The following RTN3 variants were observed in gnomAD, a reference collection of about 807,000 sequenced individuals.
The protein encoded by RTN3 is reticulon 3.
In RTN3, 49 loss-of-function variants were observed where a neutral mutation model predicts 77.8. The ratio of observed to expected loss-of-function variants is 0.63; its 90% CI spans 0.50 to 0.80. RTN3 has a LOEUF of 0.80. RTN3 is among the 30% of genes least tolerant of loss of function. The pLI is 0.00. For missense variants in RTN3, 1,236 were observed against 1,211.9 expected, an observed-to-expected ratio of 1.02 and a Z score of -0.29; for synonymous variants, 464 against 446.9, an observed-to-expected ratio of 1.04 and a Z score of -0.48.
Position 63,753,147 on chromosome 11 carries a change from G to T in RTN3, c.2947+9G>T, listed in dbSNP as rs370855747. The T allele has an allele frequency of 1.6e-5, 26 of 1,612,556 alleles. No homozygotes were observed. The African/African-American group carries it at 3.2e-4, about 20-fold the overall frequency. On this transcript the variant is annotated intron_variant, in intron 6 of 8. Transcript: ENST00000377819. The stretch of plus-strand genomic sequence containing the variant: ...CACCCTTCTAATTCTTGGTAAGGTG[G>T]CAAGGAGAATGTGCCCATGCTCTTT...
intron 3 of RTN3, among the ~76,000 whole-genome samples, chr11:63,746,195 C>G (rs1030911638): frequency 2.0e-5 from 3 of 152,184 alleles, no homozygotes; most frequent in Admixed American, 6.6e-5. Context: ...GTCCTTTTCT[C>G]TCTGGGTCCT....
Position 63,739,039 on chromosome 11 carries a change from CT to C in RTN3, c.2531-10950del, listed in dbSNP as rs1170715363. Among the ~76,000 whole-genome samples, 3 of 151,974 alleles carry C rather than the reference CT, an allele frequency of 2.0e-5. No homozygotes were observed. The East Asian group carries it at 5.8e-4, about 29-fold the overall frequency. On this transcript the variant is annotated intron_variant, in intron 3 of 8. Coordinates refer to ENST00000377819, the MANE Select transcript of RTN3 (RefSeq NM_001265589.2). ...TAAAATAAAACTTTAAAATAAATAC[CT>C]TAAAGTTTTTAAAATAAAAGTAATA... is the stretch of plus-strand genomic sequence containing the variant.
chr11:63,749,802 C>G (rs2014002634), intron 3 of RTN3, among the ~76,000 whole-genome samples, 189 bp from the exon 4 acceptor site: 1 of 152,168 alleles, frequency 6.6e-6, no homozygotes, highest in Non-Finnish European at 1.5e-5. Flanking sequence ...GCAGGAGGAT[C>G]ACTTGAGCCA....
intron 1 of RTN3, among the ~76,000 whole-genome samples, chr11:63,693,631 T>C (rs1941782250): frequency 6.6e-6 from 1 of 152,222 alleles, no homozygotes; most frequent in Non-Finnish European, 1.5e-5. Context: ...CTATAAGACC[T>C]CTATGGAAAT....
chr11:63,719,783 C>T lies in RTN3; in HGVS notation c.1281C>T (p.Ser427=). The T allele has an allele frequency of 6.2e-7, 1 of 1,614,082 alleles. No homozygotes were observed. The highest frequency in any genetic ancestry group is 8.5e-7 in the Non-Finnish European group (1 of 1,180,020). The part of the protein sequence containing the change: ...TGKPVPDSLN[S]TKEFSIKGVQ... ...AACCTGTACCTGACTCTTTGAATTCCACAAAAGAATTCAGTATCAAAGGTG... is the reference window on the plus strand; with the variant it reads ...AACCTGTACCTGACTCTTTGAATTCTACAAAAGAATTCAGTATCAAAGGTG... The change falls in exon 3 of 9, where the codon TCC becomes TCT. Residue 427 remains serine, a synonymous_variant. Coordinates refer to ENST00000377819, the MANE Select transcript of RTN3 (RefSeq NM_001265589.2).
In RTN3 at chr11:63,755,268, C is replaced by T. The variant is rs2014315095; in HGVS notation, c.2995-844C>T. ...ATACTTACCAAGTAAGACTTAACCT[C>T]TGCAAAAGATGAGTGATTTTTTCAC... On this transcript the variant is annotated intron_variant, in intron 7 of 8. Coordinates refer to ENST00000377819, the MANE Select transcript of RTN3 (RefSeq NM_001265589.2). Among the ~76,000 whole-genome samples the T allele has an allele frequency of 7.2e-5, 11 of 152,152 alleles. 1 individual carries two copies. The South Asian group carries it at 2.3e-3, about 32-fold the overall frequency.
intron 2 of RTN3, among the ~76,000 whole-genome samples, chr11:63,716,748 G>A (rs1264560338): frequency 6.6e-6 from 1 of 152,062 alleles, no homozygotes; most frequent in East Asian, 1.9e-4. Context: ...GGCGGATCAC[G>A]GGGTCAGGAG....
At chr11:63,744,017 G>C (rs993264117) in intron 3 of RTN3, among the ~76,000 whole-genome samples, 1 of 151,856 alleles carries the variant, frequency 6.6e-6, no homozygotes, top group Non-Finnish European at 1.5e-5. Context: ...GCCGAGGCAG[G>C]CAGATCACGA....
At chr11:63,714,675 G>C (rs1445853918) in intron 2 of RTN3, among the ~76,000 whole-genome samples, 1 of 151,254 alleles carries the variant, frequency 6.6e-6, no homozygotes, top group Non-Finnish European at 1.5e-5. Flanking sequence ...ACCATGCACG[G>C]CTAATTTTTC....
In RTN3 at chr11:63,720,129, C is replaced by G; in HGVS notation, c.1627C>G (p.Pro543Ala). The G allele has an allele frequency of 6.2e-7, 1 of 1,613,504 alleles. No homozygotes were observed. The highest frequency in any genetic ancestry group is 8.5e-7 in the Non-Finnish European group (1 of 1,179,850). Residue 543 changes from proline to alanine, a missense_variant, in exon 3 of 9, where the codon CCC (proline) becomes GCC (alanine). Pro to Ala is a conservative substitution (Grantham distance 27). Coordinates refer to ENST00000377819, the MANE Select transcript of RTN3 (RefSeq NM_001265589.2). ...AGGTGAAAGAGAAATCAAAGAGATT[C>G]CCAGTTGTGAGAGAGAAGAAAAAAC... ...KTGEREIKEI[P>A]SCEREEKTSK... is the part of the protein sequence containing the mutation.
intron 3 of RTN3, among the ~76,000 whole-genome samples, chr11:63,727,639 C>T (rs968644346): frequency 1.3e-5 from 2 of 152,084 alleles, no homozygotes; most frequent in African/African-American, 4.8e-5. Flanking sequence ...AAAAGTGTCA[C>T]CAGAGCTTCA....
Position 63,758,498 on chromosome 11 carries a change from T to C in RTN3, c.*297T>C. The stretch of plus-strand genomic sequence containing the variant: ...TACCTGTAGCTTGAAAGGGGAAAGA[T>C]TGGAGGTAAGAGAGAAAATGAAAGA... On this transcript the variant is annotated 3_prime_UTR_variant, in exon 9 of 9. Transcript: ENST00000377819. The C allele has an allele frequency of 2.9e-6, 2 of 694,950 alleles. No individual in the cohort carries two copies. The highest frequency in any genetic ancestry group is 4.6e-6 in the Non-Finnish European group (2 of 435,816). 43.0% of individuals were successfully genotyped at this position (694,950 alleles called of 1,614,324 possible).
At chr11:63,744,487 C>T (rs2013681175) in intron 3 of RTN3, among the ~76,000 whole-genome samples, 2 of 152,012 alleles carry the variant, frequency 1.3e-5, no homozygotes, top group Non-Finnish European at 2.9e-5. Context: ...CAAATCCATA[C>T]AGCATGTTAC....
At chr11:63,741,983 G>GTT (rs752536035) in intron 3 of RTN3, among the ~76,000 whole-genome samples, 8 of 140,020 alleles carry the variant, frequency 5.7e-5, no homozygotes, top group Admixed American at 7.2e-5. Flanking sequence ...GCTCTTCTAG[G>GTT]TTTTTTTTTT....
In RTN3 at chr11:63,701,088, CA is replaced by C. The variant is rs35169888; in HGVS notation, c.143-3748del. The stretch of plus-strand genomic sequence containing the variant: ...CTGGTGACAGAGCGAGACTCCTTCT[CA>C]AAAAAAAAAAAAAAGAATTTTCAGC... On this transcript the variant is annotated intron_variant, in intron 1 of 8. Transcript: ENST00000377819. Among the ~76,000 whole-genome samples, 1,074 of 135,478 alleles carry C rather than the reference CA, an allele frequency of 7.9e-3. 12 individuals are homozygous for C. The highest frequency in any genetic ancestry group is 0.028 in the African/African-American group (984 of 35,406). The allele number at this position is 135,478 out of a possible 152,430, so 88.9% of individuals were successfully genotyped here.
rs780710253 is a variant in RTN3, at chr11:63,720,387, G to A, written c.1885G>A (p.Val629Met). The change falls in exon 3 of 9, where the codon GTG (valine) becomes ATG (methionine). Residue 629 changes from valine to methionine, a missense_variant. This residue lies in a region of RTN3 where 1,056 missense variants were observed against 990.4 expected (regional missense o/e 1.07). Transcript: ENST00000377819. ...VFNETEFSLN[V>M]TTSAYLESLH... Reference sequence around the variant, plus strand: ...TAATGAGACAGAATTCTCATTAAATGTGACAACATCTGCCTATTTGGAGTC... The same window carrying A: ...TAATGAGACAGAATTCTCATTAAATATGACAACATCTGCCTATTTGGAGTC... The A allele has an allele frequency of 3.8e-5, 62 of 1,613,964 alleles. No homozygotes were observed. In the Middle Eastern group the frequency reaches 4.9e-4, roughly 13 times the overall value.
intron 4 of RTN3, among the ~76,000 whole-genome samples, chr11:63,751,074 G>A (rs1478365902): frequency 3.3e-5 from 5 of 151,510 alleles, no homozygotes; most frequent in Non-Finnish European, 7.4e-5. Context: ...TTACCATATT[G>A]GTCAGGCTGG....
chr11:63,718,980 G>T lies in RTN3; in HGVS notation c.478G>T (p.Ala160Ser). 6.2e-7 allele frequency: 1 copy of T among 1,614,162 alleles called. No individual in the cohort carries two copies. The highest frequency in any genetic ancestry group is 1.1e-5 in the South Asian group (1 of 91,086). Residue 160 changes from alanine (A) to serine (S), a missense_variant, in exon 3 of 9, where the codon GCC becomes TCC. Around this residue, in one of 3 missense-constraint regions of RTN3, gnomAD observed 1,056 missense variants for 990.4 expected, o/e 1.07. Coordinates refer to ENST00000377819, the MANE Select transcript of RTN3 (RefSeq NM_001265589.2). ...TCATTGTGACCGTCCTTCTATTCCAGCCAGTTTCCCAGAGCATCCTGCTTT... is the reference window on the plus strand; with the variant it reads ...TCATTGTGACCGTCCTTCTATTCCATCCAGTTTCCCAGAGCATCCTGCTTT... ...GVHCDRPSIP[A>S]SFPEHPAFLS...
intron 1 of RTN3, among the ~76,000 whole-genome samples, chr11:63,685,003 G>A (rs1191255488): frequency 6.6e-6 from 1 of 151,874 alleles, no homozygotes; most frequent in Non-Finnish European, 1.5e-5. Context: ...CAAGTGATCC[G>A]CCCACCTCGG....
Sources: allele counts gnomAD v4.1 joint callset (sites outside exome capture counted in the v4.1 genomes callset), GRCh38; gene constraint gnomAD v4.1.1; regional missense constraint gnomAD v4.1.1; transcripts MANE v1.5; gene names NCBI Gene and HGNC (gene_info 2026-07-23, HGNC 2026-07-21).